The following MACROD2 variants were observed in gnomAD, a reference collection of about 807,000 sequenced individuals.
MACROD2 encodes the protein mono-ADP ribosylhydrolase 2, also known as ADP-ribose glycohydrolase MACROD2.
A neutral mutation model predicts 70.4 loss-of-function variants in MACROD2; 36 were observed. The observed-to-expected ratio is 0.51, with a 90% CI of 0.39 to 0.68. MACROD2 has a LOEUF of 0.68. MACROD2 is among the 30% of genes least tolerant of loss of function. MACROD2 has a pLI of 0.00. For missense variants in MACROD2, 496 were observed against 538.4 expected (o/e 0.92, Z 0.78); for synonymous variants, 172 against 178.8 (o/e 0.96, Z 0.30).
At chr20:15,405,504 G>A (rs913863220) in intron 6 of MACROD2, among the ~76,000 whole-genome samples, 1 of 152,140 alleles carries the variant, frequency 6.6e-6, no homozygotes, top group Non-Finnish European at 1.5e-5. Context: ...TAGGATCAAG[G>A]CAGAAATCTC....
intron 6 of MACROD2, among the ~76,000 whole-genome samples, chr20:15,378,139 A>G (rs1162471358): frequency 7.3e-6 from 1 of 137,046 alleles, no homozygotes; most frequent in Non-Finnish European, 1.5e-5. Context: ...TTAAGCTATA[A>G]GAAAAAAATA....
chr20:15,851,742 C>T (rs534205808), intron 8 of MACROD2, among the ~76,000 whole-genome samples: 30 of 152,082 alleles, frequency 2.0e-4, no homozygotes, highest in Non-Finnish European at 4.0e-4. Flanking sequence ...GAGGCTACTC[C>T]GTGAGTCAGT....
chr20:14,983,816 T>C (rs2122847207), intron 5 of MACROD2, among the ~76,000 whole-genome samples: 1 of 152,306 alleles, frequency 6.6e-6, no homozygotes, highest in South Asian at 2.1e-4. Context: ...TAAATAAAGG[T>C]CCTCCAATAA....
chr20:15,573,478 G>A (rs1464813378), intron 8 of MACROD2, among the ~76,000 whole-genome samples: 1 of 152,014 alleles, frequency 6.6e-6, no homozygotes, highest in Admixed American at 6.6e-5. Context: ...CCTTTCCTTA[G>A]TTCTCTAATC....
intron 2 of MACROD2, among the ~76,000 whole-genome samples, chr20:14,043,185 G>T (rs1022046851): frequency 3.9e-5 from 6 of 152,156 alleles, no homozygotes; most frequent in Non-Finnish European, 8.8e-5. Context: ...CTTCCAAAGT[G>T]CTGGGATTAC....
intron 13 of MACROD2, among the ~76,000 whole-genome samples, chr20:15,971,713 A>G (rs980832421): frequency 6.6e-6 from 1 of 152,068 alleles, no homozygotes; most frequent in Non-Finnish European, 1.5e-5. Context: ...ACAGACACTA[A>G]TACTCTGGTT....
chr20:15,181,448 G>C (rs796174869), intron 5 of MACROD2, among the ~76,000 whole-genome samples: 8 of 152,316 alleles, frequency 5.3e-5, no homozygotes, highest in African/African-American at 1.2e-4. Flanking sequence ...TGTCATTAAT[G>C]CTTGTCCAAA....
At chr20:15,093,913 G>C (rs2075810160) in intron 5 of MACROD2, among the ~76,000 whole-genome samples, 1 of 152,110 alleles carries the variant, frequency 6.6e-6, no homozygotes, top group Non-Finnish European at 1.5e-5. Flanking sequence ...TTGTGTCGAG[G>C]GAAGCTCAGT....
chr20:14,799,833 C>T (rs1427405387), intron 5 of MACROD2, among the ~76,000 whole-genome samples: 1 of 152,066 alleles, frequency 6.6e-6, no homozygotes, highest in Non-Finnish European at 1.5e-5. Flanking sequence ...AAGCCATTAA[C>T]TTACAGGGTC....
Position 14,639,471 on chromosome 20 carries a change from A to G in MACROD2, c.302-45372A>G, listed in dbSNP as rs1018805024. 3.9e-5 allele frequency among the ~76,000 whole-genome samples: 6 copies of G among 152,250 alleles called. No homozygotes were observed. The East Asian group carries it at 1.2e-3, about 29-fold the overall frequency. ...GGCTAGGGAAATTCTTTTAATTAAT[A>G]ATCTTTCTGTTAATCACCCCATAAT... is the stretch of plus-strand genomic sequence containing the variant. On this transcript the variant is annotated intron_variant, in intron 4 of 17. Transcript: ENST00000684519.
chr20:14,754,472 G>T (rs528999625), intron 5 of MACROD2, among the ~76,000 whole-genome samples: 28 of 152,214 alleles, frequency 1.8e-4, no homozygotes, highest in African/African-American at 4.6e-4. Flanking sequence ...ATTAGTGGTT[G>T]CTGTCAATTA....
intron 5 of MACROD2, among the ~76,000 whole-genome samples, chr20:15,068,454 T>A (rs1656893255): frequency 1.3e-5 from 2 of 152,182 alleles, no homozygotes; most frequent in South Asian, 4.1e-4. Context: ...CATATAGAAA[T>A]GTGACCCCCC....
At chr20:14,453,952 C>G (rs1269073476) in intron 3 of MACROD2, among the ~76,000 whole-genome samples, 1 of 151,284 alleles carries the variant, frequency 6.6e-6, no homozygotes, top group Non-Finnish European at 1.5e-5. Flanking sequence ...TTAACCAAAC[C>G]CCTATTACAT....
chr20:15,264,640 G>C (rs1326317306), intron 6 of MACROD2, among the ~76,000 whole-genome samples: 1 of 152,128 alleles, frequency 6.6e-6, no homozygotes, highest in Non-Finnish European at 1.5e-5. Flanking sequence ...TCTGCGGATA[G>C]TCTCGCAGGT....
intron 3 of MACROD2, among the ~76,000 whole-genome samples, chr20:14,456,327 C>T (rs1695843230): frequency 6.6e-6 from 1 of 151,772 alleles, no homozygotes; most frequent in Non-Finnish European, 1.5e-5. Context: ...CTTAATATGG[C>T]ATAGCACAGT....
rs149427127 is a variant in MACROD2 at position 15,706,152 on chromosome 20, G to A, written c.646-156593G>A. On this transcript the variant is annotated intron_variant, in intron 8 of 17. Coordinates refer to ENST00000684519, the MANE Select transcript of MACROD2 (RefSeq NM_001351661.2). ...CAGAGGAAATAAGGATACTTATCTCGTTTACTCAGCTTTAGTAACTGCAAA... is the reference window on the plus strand; with the variant it reads ...CAGAGGAAATAAGGATACTTATCTCATTTACTCAGCTTTAGTAACTGCAAA... Among the ~76,000 whole-genome samples the A allele has an allele frequency of 2.3e-4, 35 of 152,264 alleles. No homozygotes were observed. In the East Asian group the frequency reaches 6.4e-3, roughly 28 times the overall value.
intron 5 of MACROD2, among the ~76,000 whole-genome samples, chr20:14,704,960 T>C (rs1163884939): frequency 6.6e-6 from 1 of 152,106 alleles, no homozygotes; most frequent in African/African-American, 2.4e-5. Flanking sequence ...TCTCTCTTTT[T>C]TTTTTCAATA....
intron 5 of MACROD2, among the ~76,000 whole-genome samples, chr20:15,060,835 T>C (rs73897242): frequency 0.07 from 10,611 of 152,274 alleles, 404 homozygotes; most frequent in Middle Eastern, 0.17. Context: ...AAATATACAC[T>C]AGCAGTATAC....
At chr20:14,829,290 C>T (rs770303504) in intron 5 of MACROD2, among the ~76,000 whole-genome samples, 8 of 151,750 alleles carry the variant, frequency 5.3e-5, no homozygotes, top group Non-Finnish European at 7.4e-5. Context: ...CCACCACGCC[C>T]GGCTAATTTT....
Sources: allele counts gnomAD v4.1 joint callset (sites outside exome capture counted in the v4.1 genomes callset), GRCh38; gene constraint gnomAD v4.1.1; transcripts MANE v1.5; gene names NCBI Gene and HGNC (gene_info 2026-07-23, HGNC 2026-07-21).